MARCHF8: variants seen among roughly 807,000 people sequenced by gnomAD.
MARCHF8 encodes E3 ubiquitin-protein ligase MARCHF8.
Under a neutral mutation model 51.6 loss-of-function variants are expected in MARCHF8, and 40 were observed. The ratio of observed to expected loss-of-function variants is 0.77; its 90% CI spans 0.60 to 1.01. MARCHF8 has a LOEUF of 1.01. MARCHF8 is among the 50% of genes least tolerant of loss of function. MARCHF8 has a pLI of 0.00. For missense variants in MARCHF8, 685 were observed against 708.6 expected (o/e 0.97, Z 0.38); for synonymous variants, 263 against 280.3 (o/e 0.94, Z 0.62).
At chr10:45,502,193 A>G (rs1300970895) in intron 2 of MARCHF8, among the ~76,000 whole-genome samples, 1 of 152,210 alleles carries the variant, frequency 6.6e-6, no homozygotes, top group Non-Finnish European at 1.5e-5. Context: ...GCTTTGTTCA[A>G]ACAAATGTCC....
At chr10:45,511,205 C>A (rs994623135) in intron 2 of MARCHF8, among the ~76,000 whole-genome samples, 2 of 152,106 alleles carry the variant, frequency 1.3e-5, no homozygotes, top group African/African-American at 4.8e-5. Flanking sequence ...TCTTTGTATT[C>A]ATTGCTGACT....
chr10:45,509,310 T>C (rs1160809448), intron 2 of MARCHF8, among the ~76,000 whole-genome samples: 1 of 152,244 alleles, frequency 6.6e-6, no homozygotes, highest in East Asian at 1.9e-4. Context: ...GCTGTTTGAA[T>C]GTATTTTCCA....
chr10:45,565,736 G>A (rs781317616), intron 1 of MARCHF8, among the ~76,000 whole-genome samples: 40 of 152,136 alleles, frequency 2.6e-4, no homozygotes, highest in Non-Finnish European at 4.7e-4. Flanking sequence ...TAGTAGTTAT[G>A]CTCTATAAAG....
intron 1 of MARCHF8, among the ~76,000 whole-genome samples, chr10:45,548,183 C>T (rs535534263): frequency 1.1e-4 from 16 of 152,288 alleles, no homozygotes; most frequent in African/African-American, 3.4e-4. Context: ...AAAACTGGGC[C>T]CCTAAGGAAA....
intron 2 of MARCHF8, among the ~76,000 whole-genome samples, chr10:45,496,919 C>T (rs907823223): frequency 1.3e-5 from 2 of 151,810 alleles, no homozygotes; most frequent in Admixed American, 1.3e-4. Flanking sequence ...AACACAGGAA[C>T]AAAAATGGCA....
chr10:45,484,674 G>T (rs1164947667), intron 3 of MARCHF8, among the ~76,000 whole-genome samples: 1 of 152,206 alleles, frequency 6.6e-6, no homozygotes, highest in Non-Finnish European at 1.5e-5. Flanking sequence ...AAGGGTAAGT[G>T]CCTCTAAAGA....
intron 1 of MARCHF8, among the ~76,000 whole-genome samples, chr10:45,591,287 G>A (rs2044677842): frequency 6.6e-6 from 1 of 152,192 alleles, no homozygotes; most frequent in Non-Finnish European, 1.5e-5. Flanking sequence ...CCAACATGGT[G>A]AAAGCCTGTC....
chr10:45,541,194 G>A lies in MARCHF8; in HGVS notation c.-78-7905C>T, dbSNP rs576210369. ...CCAAATGTCCAACAATGATAGACTG[G>A]ATTAAGAAAATGTGGCACATATACA... On this transcript the variant is annotated intron_variant, in intron 1 of 6. Coordinates refer to the MARCHF8 transcript ENST00000319836. Among the ~76,000 whole-genome samples, 264 of 152,254 alleles carry A rather than the reference G, an allele frequency of 1.7e-3. 3 individuals are homozygous for A. Among genetic ancestry groups the A allele is most frequent in the African/African-American group, 5.3e-3 (219 of 41,548 alleles).
chr10:45,473,652 C>T (rs549059873), intron 3 of MARCHF8, among the ~76,000 whole-genome samples: 1 of 152,270 alleles, frequency 6.6e-6, no homozygotes, highest in South Asian at 2.1e-4. Context: ...CTAGCCTAGG[C>T]CAATTCCTGG....
intron 3 of MARCHF8, among the ~76,000 whole-genome samples, chr10:45,472,913 G>A (rs770897435): frequency 3.0e-4 from 46 of 152,162 alleles, no homozygotes; most frequent in Non-Finnish European, 5.7e-4. Context: ...TTGTCACTTA[G>A]GAATAAATAT....
At chr10:45,575,503 A>C (rs958891060) in intron 1 of MARCHF8, among the ~76,000 whole-genome samples, 2 of 152,124 alleles carry the variant, frequency 1.3e-5, no homozygotes, top group African/African-American at 4.8e-5. Flanking sequence ...GCTCCTTCAA[A>C]CAACCCCACA....
chr10:45,561,696 C>T (rs2044312032), intron 1 of MARCHF8, among the ~76,000 whole-genome samples: 2 of 150,514 alleles, frequency 1.3e-5, no homozygotes, highest in Admixed American at 1.3e-4. Flanking sequence ...GTCAGGAGAT[C>T]GAGACCATCC....
intron 1 of MARCHF8, among the ~76,000 whole-genome samples, chr10:45,545,020 C>G (rs774597324): frequency 6.6e-6 from 1 of 152,172 alleles, no homozygotes; most frequent in Non-Finnish European, 1.5e-5. Flanking sequence ...GCCTGCAACA[C>G]TCTTCCTTCC....
chr10:45,468,021 TAATTAATTATGCCA>T (rs771244938), intron 3 of MARCHF8, among the ~76,000 whole-genome samples: 1 of 152,206 alleles, frequency 6.6e-6, no homozygotes, highest in Non-Finnish European at 1.5e-5. Flanking sequence ...TCAGATGTTG[TAATTAATTATGCCA>T]AAACAAACCT....
At chr10:45,590,171 G>A (rs1462520573) in intron 1 of MARCHF8, among the ~76,000 whole-genome samples, 1 of 152,156 alleles carries the variant, frequency 6.6e-6, no homozygotes, top group African/African-American at 2.4e-5. Flanking sequence ...GTGTAACATG[G>A]TATTTCACTG....
intron 1 of MARCHF8, among the ~76,000 whole-genome samples, chr10:45,564,570 T>C (rs2044344172): frequency 2.0e-5 from 3 of 152,066 alleles, no homozygotes; most frequent in Admixed American, 6.6e-5. Context: ...GAGAAAATAA[T>C]TGAAGATGCA....
chr10:45,480,662 C>A (rs193064483), intron 3 of MARCHF8, among the ~76,000 whole-genome samples: 2 of 152,298 alleles, frequency 1.3e-5, no homozygotes, highest in South Asian at 2.1e-4. Flanking sequence ...GTTGAGCCTG[C>A]GGGTACACAA....
At chr10:45,535,429 T>C (rs1255572415), upstream of MARCHF8, 1 of 152,256 alleles carries the variant, frequency 6.6e-6, no homozygotes, top group Non-Finnish European at 1.5e-5. Context: ...CATTGGTACA[T>C]GCCCATGACA....
intron 1 of MARCHF8, among the ~76,000 whole-genome samples, chr10:45,566,821 A>G (rs2044370580): frequency 6.6e-6 from 1 of 152,148 alleles, no homozygotes; most frequent in Admixed American, 6.5e-5. Flanking sequence ...TTGCCAGATC[A>G]TACGATAGGT....
Sources: gnomAD v4.1 joint callset for allele counts (sites outside exome capture counted in the v4.1 genomes callset) on GRCh38, gnomAD v4.1.1 for gene constraint, MANE v1.5 for transcripts, NCBI Gene and HGNC (gene_info 2026-07-23, HGNC 2026-07-21) for gene names.